NCOR2: variants seen among roughly 807,000 people sequenced by gnomAD.
NCOR2 encodes CTG repeat protein 26.
A neutral mutation model predicts 262.9 loss-of-function variants in NCOR2; 81 were observed. That is an observed-to-expected ratio of 0.31 (90% confidence interval 0.26 to 0.37). The LOEUF is 0.37. NCOR2 is among the 10% of genes least tolerant of loss of function. NCOR2 has a pLI of 1.00. For synonymous variants in NCOR2, 1,659 were observed against 1,559.3 expected (o/e 1.06, Z -1.51); for missense variants, 3,385 against 3,621.4 (o/e 0.93, Z 1.68).
chr12:124,445,318 G>GC (rs1390477974), intron 7 of NCOR2, among the ~76,000 whole-genome samples: 1 of 152,172 alleles, frequency 6.6e-6, no homozygotes, highest in Non-Finnish European at 1.5e-5. Context: ...CCCATCTCCT[G>GC]CCCCTCTGCG....
In NCOR2 at chr12:124,435,971, A is replaced by G. The variant is rs141485929; in HGVS notation, c.882+1959T>C. On this transcript the variant is annotated intron_variant, in intron 8 of 46. Coordinates refer to ENST00000405201, the Ensembl canonical transcript of NCOR2. ...GGACTAAATGCCCTAATGTATGGAG[A>G]GCACTCAGAAGAGCGCCTGCAACAC... Among the ~76,000 whole-genome samples, 5 of 152,326 alleles carry G rather than the reference A, an allele frequency of 3.3e-5. No homozygotes were observed. The East Asian group carries it at 9.6e-4, about 29-fold the overall frequency.
In NCOR2 at chr12:124,348,316, TG is replaced by T; in HGVS notation, c.3845-3del. 1 of 1,604,016 alleles carries T rather than the reference TG, an allele frequency of 6.2e-7. No homozygotes were observed. The highest frequency in any genetic ancestry group is 8.5e-7 in the Non-Finnish European group (1 of 1,174,682). ...AGCACTGGGTCACAGACATGCCACC[TG>T]GAAACCACACAAAGCACTCGGTGAG... On this transcript the variant is annotated splice_polypyrimidine_tract_variant and splice_region_variant and intron_variant, in intron 28 of 46. Coordinates refer to ENST00000405201, the Ensembl canonical transcript of NCOR2.
intron 17 of NCOR2, among the ~76,000 whole-genome samples, chr12:124,382,120 G>A (rs1216062062): frequency 2.0e-5 from 3 of 152,350 alleles, no homozygotes; most frequent in Non-Finnish European, 4.4e-5. Flanking sequence ...CTGATACTGC[G>A]TTAGGATTCA....
In NCOR2 at chr12:124,523,521, G is replaced by A. The variant is rs73425618; in HGVS notation, c.-118+12044C>T. Among the ~76,000 whole-genome samples the A allele has an allele frequency of 0.024, 3,580 of 152,090 alleles. 146 individuals are homozygous for A. Among genetic ancestry groups the A allele is most frequent in the African/African-American group, 0.082 (3,386 of 41,422 alleles). ...GTGTGCCAGGGTCAGTGGGCTTCAC[G>A]CGGCCTCCACTGTGCCTTACAACCG... On this transcript the variant is annotated intron_variant, in intron 1 of 46. Transcript: ENST00000404621. The surrounding 1 kb of genome is among the most constrained non-coding windows in gnomAD (Gnocchi z 4.0).
intron 16 of NCOR2, among the ~76,000 whole-genome samples, 161 bp from the exon 19 acceptor site, chr12:124,386,048 G>A (rs368170202): frequency 6.6e-5 from 10 of 152,282 alleles, no homozygotes; most frequent in East Asian, 3.9e-4. Flanking sequence ...GATGGGCCAC[G>A]TGTCCCCTAG....
chr12:124,348,305 G>C (rs1303276160), exon 29 of NCOR2: 1 of 1,608,178 alleles, frequency 6.2e-7, no homozygotes, highest in Admixed American at 1.7e-5. Context: ...CTGGGTCACA[G>C]ACATGCCACC....
chr12:124,506,607 C>G (rs141981955), intron 1 of NCOR2, among the ~76,000 whole-genome samples: 19 of 152,154 alleles, frequency 1.2e-4, no homozygotes, highest in African/African-American at 4.6e-4. Context: ...GAGCGGCCCT[C>G]CCCACTTGCG....
intron 16 of NCOR2, chr12:124,388,790 G>A (rs986636591): frequency 3.1e-5 from 40 of 1,302,136 alleles, no homozygotes; most frequent in South Asian, 6.2e-5. Flanking sequence ...GGGCGGCCGC[G>A]GTCGGCTCTG....
chr12:124,348,486 G>C, intron 28 of NCOR2, 172 bp from the exon 31 acceptor site: 3 of 856,522 alleles, frequency 3.5e-6, no homozygotes, highest in Non-Finnish European at 5.2e-6. Context: ...TGCAGGCCCT[G>C]GGGGCCTGCC....
intron 24 of NCOR2, 57 bp downstream of exon 26, chr12:124,355,374 GC>G: frequency 1.3e-6 from 2 of 1,582,962 alleles, no homozygotes; most frequent in South Asian, 1.1e-5. Flanking sequence ...TGGTCCCATT[GC>G]CCCCACTTTA....
At chr12:124,349,617 C>T (rs2037262644) in intron 28 of NCOR2, among the ~76,000 whole-genome samples, 1 of 152,262 alleles carries the variant, frequency 6.6e-6, no homozygotes, top group Admixed American at 6.5e-5. Flanking sequence ...ACACCTGCCG[C>T]TGCCTGCACT....
intron 41 of NCOR2, among the ~76,000 whole-genome samples, chr12:124,333,743 C>T (rs2035469559): frequency 6.6e-6 from 1 of 152,228 alleles, no homozygotes; most frequent in African/African-American, 2.4e-5. Context: ...CCCAGAGGCC[C>T]CACGGTTCAC....
At chr12:124,392,302 C>T (rs1474974451) in intron 16 of NCOR2, among the ~76,000 whole-genome samples, 4 of 152,206 alleles carry the variant, frequency 2.6e-5, no homozygotes, top group African/African-American at 9.7e-5. Flanking sequence ...CAAGTTCCTG[C>T]AGAAACCCCA....
chr12:124,337,649 G>A (rs2036004098), intron 37 of NCOR2, among the ~76,000 whole-genome samples: 1 of 152,186 alleles, frequency 6.6e-6, no homozygotes, highest in African/African-American at 2.4e-5. Flanking sequence ...GGCCTGCTCA[G>A]GATACCCGAA....
At chr12:124,446,853 G>A (rs1223534038) in intron 7 of NCOR2, among the ~76,000 whole-genome samples, 9 of 152,206 alleles carry the variant, frequency 5.9e-5, no homozygotes, top group Admixed American at 5.9e-4. Flanking sequence ...TTTTCTAACA[G>A]AAGTTGACTA....
At chr12:124,371,872 TG>T in intron 20 of NCOR2, 149 bp downstream of exon 22, 1 of 783,486 alleles carries the variant, frequency 1.3e-6, no homozygotes, top group Non-Finnish European at 1.9e-6. Context: ...CTCTCATTCC[TG>T]GACTCTACTC....
intron 1 of NCOR2, among the ~76,000 whole-genome samples, chr12:124,526,650 C>A (rs999002610): frequency 1.1e-4 from 16 of 152,194 alleles, no homozygotes; most frequent in African/African-American, 3.9e-4. Flanking sequence ...GGTCTCCTCT[C>A]CCCCGCGGAC....
exon 9 of NCOR2, chr12:124,430,690 C>G (rs377627855): frequency 1.2e-6 from 2 of 1,614,054 alleles, no homozygotes; most frequent in Non-Finnish European, 1.7e-6. Context: ...GCGCACCTTG[C>G]TCTCCTTGGC....
intron 20 of NCOR2, among the ~76,000 whole-genome samples, chr12:124,368,357 C>G (rs999785041): frequency 2.4e-4 from 37 of 152,192 alleles, no homozygotes; most frequent in African/African-American, 8.4e-4. Context: ...CCCCTCTCCA[C>G]CCAGCCCTTG....
Sources: allele counts gnomAD v4.1 joint callset (sites outside exome capture counted in the v4.1 genomes callset), GRCh38; gene constraint gnomAD v4.1.1; non-coding constraint Gnocchi (gnomAD v3.1); transcripts MANE v1.5; gene names NCBI Gene and HGNC (gene_info 2026-07-23, HGNC 2026-07-21).